Variants in DSCAM observed in about 807,000 individuals in gnomAD.
DSCAM encodes the protein cell adhesion molecule DSCAM.
A neutral mutation model predicts 217.7 loss-of-function variants in DSCAM; 47 were observed. That is an observed-to-expected ratio of 0.22 (90% CI 0.17 to 0.28). The LOEUF (loss-of-function observed/expected upper bound fraction) is 0.28, where lower values mean the gene tolerates loss of function less well. DSCAM is among the 10% of genes least tolerant of loss of function. The pLI is 1.00. For missense variants in DSCAM, 2,080 were observed against 2,618.3 expected, an observed-to-expected ratio of 0.79 and a Z score of 4.49; for synonymous variants, 1,056 against 1,015.3, an observed-to-expected ratio of 1.04 and a Z score of -0.76.
At chr21:40,806,910 T>C (rs550046082) in intron 1 of DSCAM, among the ~76,000 whole-genome samples, 2 of 150,966 alleles carry the variant, frequency 1.3e-5, no homozygotes, top group African/African-American at 2.4e-5. Context: ...AGTTGAACAA[T>C]GAGAACACAT....
At chr21:40,503,039 C>A (rs550426697) in intron 3 of DSCAM, among the ~76,000 whole-genome samples, 30 of 152,186 alleles carry the variant, frequency 2.0e-4, no homozygotes, top group Non-Finnish European at 3.7e-4. Flanking sequence ...CAATTAGAAC[C>A]ATAGCATTCC....
chr21:40,638,817 A>G (rs2089841137), intron 3 of DSCAM, among the ~76,000 whole-genome samples: 1 of 152,150 alleles, frequency 6.6e-6, no homozygotes, highest in Non-Finnish European at 1.5e-5. Context: ...TTTACTGTTT[A>G]CTATTTGTTG....
intron 32 of DSCAM, among the ~76,000 whole-genome samples, chr21:40,033,467 G>C (rs980157251): frequency 4.6e-5 from 7 of 152,062 alleles, no homozygotes; most frequent in African/African-American, 1.7e-4. Flanking sequence ...CTTTTCTGAC[G>C]AGCTTAAAAC....
At chr21:40,548,591 G>C (rs2076604054) in intron 3 of DSCAM, among the ~76,000 whole-genome samples, 1 of 151,628 alleles carries the variant, frequency 6.6e-6, no homozygotes, top group Non-Finnish European at 1.5e-5. Context: ...GATCTCAATA[G>C]CACGTGCAAT....
At chr21:40,833,197 C>G (rs2092026132) in intron 1 of DSCAM, among the ~76,000 whole-genome samples, 2 of 152,082 alleles carry the variant, frequency 1.3e-5, no homozygotes, top group African/African-American at 4.8e-5. Context: ...TCTGCACTCT[C>G]CTCTTCAAGC....
chr21:40,716,891 A>G (rs934990502), intron 1 of DSCAM, among the ~76,000 whole-genome samples: 1 of 152,200 alleles, frequency 6.6e-6, no homozygotes, highest in Non-Finnish European at 1.5e-5. Context: ...TTATAATTCT[A>G]TTTACCGAAG....
intron 20 of DSCAM, among the ~76,000 whole-genome samples, chr21:40,108,203 G>A (rs1208482024): frequency 6.6e-6 from 1 of 152,160 alleles, no homozygotes; most frequent in Non-Finnish European, 1.5e-5. Context: ...ATTCAAACAG[G>A]AAGAGAGGAA....
At chr21:40,828,687 A>C in intron 1 of DSCAM, among the ~76,000 whole-genome samples, 7 of 130,714 alleles carry the variant, frequency 5.4e-5, no homozygotes, top group Non-Finnish European at 6.4e-5. Context: ...AGACAGTCTC[A>C]CTCTGTCACC....
intron 1 of DSCAM, among the ~76,000 whole-genome samples, chr21:40,774,490 C>T (rs2091471717): frequency 6.6e-6 from 1 of 152,206 alleles, no homozygotes. Context: ...GTTGCCTGGC[C>T]ATGTGGTTGA....
chr21:40,642,661 C>G (rs2146343940), intron 3 of DSCAM, among the ~76,000 whole-genome samples: 1 of 152,322 alleles, frequency 6.6e-6, no homozygotes, highest in South Asian at 2.1e-4. Context: ...CAACTCACTG[C>G]AACCTTCACC....
At chr21:40,421,870 G>A (rs934262274) in intron 3 of DSCAM, among the ~76,000 whole-genome samples, 2 of 152,214 alleles carry the variant, frequency 1.3e-5, no homozygotes, top group Non-Finnish European at 2.9e-5. Context: ...AGGGGAGGGT[G>A]CTTAGAAGAG....
At chr21:40,069,154 C>A (rs1484805161) in intron 27 of DSCAM, among the ~76,000 whole-genome samples, 1 of 151,668 alleles carries the variant, frequency 6.6e-6, no homozygotes, top group Non-Finnish European at 1.5e-5. Context: ...TCATACTCAA[C>A]CATTTTGCAT....
chr21:40,354,312 T>G (rs939231842), intron 4 of DSCAM, among the ~76,000 whole-genome samples: 1 of 152,196 alleles, frequency 6.6e-6, no homozygotes, highest in African/African-American at 2.4e-5. Flanking sequence ...CATTAAATTA[T>G]CACATGTACC....
intron 18 of DSCAM, among the ~76,000 whole-genome samples, chr21:40,136,860 C>A (rs1019317909): frequency 1.3e-5 from 2 of 152,056 alleles, no homozygotes; most frequent in Non-Finnish European, 2.9e-5. Flanking sequence ...GACAACCTGG[C>A]CTCTCTGATC....
chr21:40,142,750 G>C (rs780636356), intron 17 of DSCAM, 46 bp from the exon 18 acceptor site: 1 of 1,515,940 alleles, frequency 6.6e-7, no homozygotes, highest in East Asian at 2.4e-5. Flanking sequence ...GGTGGTTTAT[G>C]AGCAAAGCAA....
chr21:40,686,310 C>CACACACACCACATATACACAGAGT (rs1255090885), intron 3 of DSCAM, among the ~76,000 whole-genome samples: 1 of 151,006 alleles, frequency 6.6e-6, no homozygotes, highest in Middle Eastern at 3.4e-3. Flanking sequence ...ACACGGCACA[C>CACACACACCACATATACACAGAGT]ACACACACCA....
Position 40,414,694 on chromosome 21 carries a change from T to C in DSCAM, c.509-45449A>G, listed in dbSNP as rs546777938. ...AAATACATTGATCCAGTTAGCTATA[T>C]AGGTATGTCTCAAAAATCACAGATT... On this transcript the variant is annotated intron_variant, in intron 3 of 32. Transcript: ENST00000400454. Among the ~76,000 whole-genome samples the C allele has an allele frequency of 5.3e-5, 8 of 152,318 alleles. No individual in the cohort carries two copies. In the South Asian group the frequency reaches 8.3e-4, roughly 16 times the overall value.
At chr21:40,183,579 G>C (rs910006178) in intron 14 of DSCAM, among the ~76,000 whole-genome samples, 1 of 152,200 alleles carries the variant, frequency 6.6e-6, no homozygotes, top group Non-Finnish European at 1.5e-5. Flanking sequence ...CAAATCCTGG[G>C]AGGACTGTCA....
intron 3 of DSCAM, among the ~76,000 whole-genome samples, chr21:40,578,422 G>A (rs1380956129): frequency 6.6e-6 from 1 of 151,566 alleles, no homozygotes. Flanking sequence ...CTGTAAAAAC[G>A]CACCAATCAG....
Sources: allele counts gnomAD v4.1 joint callset (sites outside exome capture counted in the v4.1 genomes callset), GRCh38; gene constraint gnomAD v4.1.1; transcripts MANE v1.5; gene names NCBI Gene and HGNC (gene_info 2026-07-23, HGNC 2026-07-21).